IL1RAPL1: variants seen among roughly 807,000 people sequenced by gnomAD.
The protein encoded by IL1RAPL1 is interleukin 1 receptor accessory protein like 1.
IL1RAPL1 carries 3 observed loss-of-function variants against 48.4 expected under a neutral mutation model. That is an observed-to-expected ratio of 0.06 (90% CI 0.03 to 0.16). The LOEUF is 0.16. IL1RAPL1 is among the 10% of genes least tolerant of loss of function. The probability of loss-of-function intolerance (pLI) is 1.00; values close to 1 mark genes in which losing one functional copy is unlikely to be tolerated. For synonymous variants in IL1RAPL1, 185 were observed against 187.7 expected (o/e 0.99, Z 0.12); for missense variants, 349 against 530.6 (o/e 0.66, Z 3.36).
At chrX:28,650,770 A>C (rs192522027) in intron 1 of IL1RAPL1, among the ~76,000 whole-genome samples, 126 of 112,046 alleles carry the variant, frequency 1.1e-3, no homozygotes, top group Non-Finnish European at 1.8e-3. Flanking sequence ...TTTCACTTGA[A>C]GACATCTGCT....
chrX:29,145,751 G>T (rs961835406), intron 2 of IL1RAPL1, among the ~76,000 whole-genome samples: 2 of 111,635 alleles, frequency 1.8e-5, no homozygotes, highest in African/African-American at 6.5e-5. Context: ...TAATTGCATC[G>T]TCATTCTTCT....
At chrX:28,613,743 C>G (rs1934180684) in intron 1 of IL1RAPL1, among the ~76,000 whole-genome samples, 1 of 111,893 alleles carries the variant, frequency 8.9e-6, no homozygotes, top group Admixed American at 9.5e-5. Flanking sequence ...GGAGTCACCT[C>G]CAGCCACGGG....
intron 1 of IL1RAPL1, among the ~76,000 whole-genome samples, chrX:28,663,232 T>C (rs1215649578): frequency 9.5e-6 from 1 of 105,712 alleles, no homozygotes; most frequent in Non-Finnish European, 2.0e-5. Context: ...TAGTTCCTCA[T>C]AGGTGTCCCT....
chrX:29,010,293 TG>T (rs938816444), intron 2 of IL1RAPL1, among the ~76,000 whole-genome samples: 6 of 111,788 alleles, frequency 5.4e-5, no homozygotes, highest in African/African-American at 2.0e-4. Context: ...TGAACAGGTG[TG>T]GTAGGAGTGG....
chrX:29,733,765 A>T (rs1927978905), intron 6 of IL1RAPL1, among the ~76,000 whole-genome samples: 1 of 112,448 alleles, frequency 8.9e-6, no homozygotes, highest in Admixed American at 9.4e-5. Context: ...CATCTTTTAA[A>T]TAATACCATA....
intron 6 of IL1RAPL1, among the ~76,000 whole-genome samples, chrX:29,883,035 C>T (rs10126909): frequency 0.077 from 8,561 of 111,186 alleles, 787 homozygotes; most frequent in African/African-American, 0.26. Flanking sequence ...ACAAAAGTGA[C>T]TTAATGAAAT....
chrX:29,731,879 A>T (rs776393693), intron 6 of IL1RAPL1, among the ~76,000 whole-genome samples: 12 of 112,265 alleles, frequency 1.1e-4, no homozygotes, highest in Admixed American at 1.9e-4. Context: ...TACCTAAGAG[A>T]TCTTAAAGCA....
At chrX:29,766,752 A>G (rs2147148887) in intron 6 of IL1RAPL1, among the ~76,000 whole-genome samples, 1 of 103,468 alleles carries the variant, frequency 9.7e-6, no homozygotes, top group African/African-American at 3.5e-5. Flanking sequence ...ATTATAATGT[A>G]TAAATTATAT....
At chrX:28,925,733 C>G (rs1479781566) in intron 2 of IL1RAPL1, among the ~76,000 whole-genome samples, 2 of 110,846 alleles carry the variant, frequency 1.8e-5, no homozygotes, top group Non-Finnish European at 3.8e-5. Context: ...CCATCCTGGC[C>G]GACAGGGTGA....
intron 6 of IL1RAPL1, among the ~76,000 whole-genome samples, chrX:29,743,845 G>A (rs755792608): frequency 8.9e-6 from 1 of 112,156 alleles, no homozygotes; most frequent in South Asian, 3.7e-4. Flanking sequence ...GTTATATTAG[G>A]TTAGCATTAA....
chrX:29,075,629 G>C (rs1927652921), intron 2 of IL1RAPL1, among the ~76,000 whole-genome samples: 1 of 111,908 alleles, frequency 8.9e-6, no homozygotes, highest in Admixed American at 9.5e-5. Context: ...TAACGATATT[G>C]TAAGAGTAAT....
At chrX:28,846,919 A>G (rs867317402) in intron 2 of IL1RAPL1, among the ~76,000 whole-genome samples, 3 of 111,650 alleles carry the variant, frequency 2.7e-5, no homozygotes, top group Non-Finnish European at 5.6e-5. Flanking sequence ...GATCTCTTCC[A>G]GTATCATGGC....
intron 2 of IL1RAPL1, among the ~76,000 whole-genome samples, chrX:28,938,981 C>T (rs762246215): frequency 4.6e-5 from 5 of 108,030 alleles, no homozygotes; most frequent in African/African-American, 6.8e-5. Context: ...GATACCATCT[C>T]GTACCAGTCA....
chrX:29,509,398 T>G (rs1935369877), intron 5 of IL1RAPL1, among the ~76,000 whole-genome samples: 1 of 112,445 alleles, frequency 8.9e-6, no homozygotes, highest in African/African-American at 3.2e-5. Flanking sequence ...AGTGTTTGGT[T>G]GAATTAATGG....
intron 2 of IL1RAPL1, among the ~76,000 whole-genome samples, chrX:29,255,963 G>A (rs1177508279): frequency 9.0e-6 from 1 of 110,946 alleles, no homozygotes; most frequent in Non-Finnish European, 1.9e-5. Context: ...TTTTCCTTTG[G>A]GTATATACCC....
chrX:29,559,414 T>C (rs374200844), intron 5 of IL1RAPL1, among the ~76,000 whole-genome samples: 1 of 112,138 alleles, frequency 8.9e-6, no homozygotes, highest in East Asian at 2.8e-4. Context: ...TAATTCTTCT[T>C]TAAAAGTTTG....
intron 2 of IL1RAPL1, among the ~76,000 whole-genome samples, chrX:28,858,818 G>T (rs959367180): frequency 1.8e-5 from 2 of 112,253 alleles, no homozygotes; most frequent in Non-Finnish European, 3.8e-5. Context: ...GGTGATAACG[G>T]AAAGCAATTG....
At chrX:29,271,569 AAAT>A (rs1390531232) in intron 2 of IL1RAPL1, among the ~76,000 whole-genome samples, 1 of 112,175 alleles carries the variant, frequency 8.9e-6, no homozygotes, top group Non-Finnish European at 1.9e-5. Context: ...GACTGGTGTG[AAAT>A]AATATCTCAT....
intron 3 of IL1RAPL1, among the ~76,000 whole-genome samples, chrX:29,348,177 G>T (rs189650995): frequency 1.8e-5 from 2 of 112,046 alleles, no homozygotes; most frequent in African/African-American, 3.2e-5. Context: ...AAACAAAGTG[G>T]TATAAAGTAT....
Sources: allele counts gnomAD v4.1 joint callset (sites outside exome capture counted in the v4.1 genomes callset), GRCh38; gene constraint gnomAD v4.1.1; transcripts MANE v1.5; gene names NCBI Gene and HGNC (gene_info 2026-07-23, HGNC 2026-07-21).